The following RAB3GAP2 variants were observed in gnomAD, a reference collection of about 807,000 sequenced individuals.
The protein encoded by RAB3GAP2 is RAB3 GTPase activating non-catalytic protein subunit 2.
A neutral mutation model predicts 185.3 loss-of-function variants in RAB3GAP2; 87 were observed. The ratio of observed to expected loss-of-function variants is 0.47; its 90% CI spans 0.39 to 0.56. The LOEUF is 0.56. RAB3GAP2 is among the 20% of genes least tolerant of loss of function. RAB3GAP2 has a pLI of 0.00. For missense variants in RAB3GAP2, 1,492 were observed against 1,638.2 expected (o/e 0.91, Z 1.54); for synonymous variants, 554 against 576.1 (o/e 0.96, Z 0.55).
chr1:220,149,153 T>G lies in RAB3GAP2; in HGVS notation c.*2098A>C, dbSNP rs1475401698. 1 of 152,212 alleles carries G rather than the reference T, an allele frequency of 6.6e-6. No individual in the cohort carries two copies. Among genetic ancestry groups the G allele is most frequent in the Non-Finnish European group, 1.5e-5 (1 of 68,030 alleles). 9.4% of individuals were successfully genotyped at this position (152,212 alleles called of 1,614,324 possible). A position where few individuals can be genotyped will look rare whatever the true frequency, so the allele number is the denominator to read the frequency against. ...TGCCTTTCTTCCTATCAATCAGATT[T>G]ATTTATTTTAAAAGCCCTTGATAAG... On this transcript the variant is annotated 3_prime_UTR_variant, in exon 35 of 35. Transcript: ENST00000358951.
chr1:220,160,765 C>A (rs1403306670), intron 28 of RAB3GAP2, among the ~76,000 whole-genome samples: 1 of 152,148 alleles, frequency 6.6e-6, no homozygotes, highest in Non-Finnish European at 1.5e-5. Flanking sequence ...AAGTCAGAAG[C>A]CTTCCCCTTG....
At chr1:220,152,429 G>A (rs1388733442) in intron 33 of RAB3GAP2, among the ~76,000 whole-genome samples, 1 of 152,174 alleles carries the variant, frequency 6.6e-6, no homozygotes, top group African/African-American at 2.4e-5. Context: ...CGAGACCTAG[G>A]ATAGGGCCAT....
chr1:220,222,879 A>G (rs1323947533), intron 2 of RAB3GAP2, among the ~76,000 whole-genome samples: 1 of 152,102 alleles, frequency 6.6e-6, no homozygotes, highest in East Asian at 1.9e-4. Flanking sequence ...GGGATGGGTT[A>G]TTTTATTATT....
chr1:220,267,411 C>A, intron 1 of RAB3GAP2: 1 of 1,319,066 alleles, frequency 7.6e-7, no homozygotes, highest in Non-Finnish European at 1.1e-6. Context: ...CTGCTTTCTC[C>A]AGCTGAGCTT....
chr1:220,267,996 A>G, intron 1 of RAB3GAP2: 1 of 549,706 alleles, frequency 1.8e-6, no homozygotes, highest in Non-Finnish European at 3.2e-6. Flanking sequence ...ATACACCTCT[A>G]TAATTCACAA....
At chr1:220,194,636 G>A (rs539685322) in intron 12 of RAB3GAP2, among the ~76,000 whole-genome samples, 10 of 152,100 alleles carry the variant, frequency 6.6e-5, no homozygotes, top group Admixed American at 1.3e-4. Flanking sequence ...CAAGTGATCC[G>A]CCTACCTAGG....
At chr1:220,217,425 C>T (rs1659220115) in intron 2 of RAB3GAP2, among the ~76,000 whole-genome samples, 3 of 152,124 alleles carry the variant, frequency 2.0e-5, no homozygotes, top group Admixed American at 1.3e-4. Flanking sequence ...TACTTTCCCT[C>T]TCCTTTCTGT....
At chr1:220,228,811 G>C (rs1467276649) in intron 2 of RAB3GAP2, among the ~76,000 whole-genome samples, 2 of 152,200 alleles carry the variant, frequency 1.3e-5, no homozygotes, top group Non-Finnish European at 2.9e-5. Context: ...CACTTGCTGT[G>C]TTTGTCAAGT....
intron 28 of RAB3GAP2, 70 bp downstream of exon 28, chr1:220,162,128 A>C (rs1657973232): frequency 1.1e-5 from 13 of 1,206,952 alleles, no homozygotes. Context: ...CCTAATGTGA[A>C]CAATCTTTCT....
rs191402902 is a variant in RAB3GAP2, at chr1:220,163,657, C to T, written c.3154+1076G>A. Among the ~76,000 whole-genome samples, 7 of 149,112 alleles carry T rather than the reference C, an allele frequency of 4.7e-5. No homozygotes were observed. The East Asian group carries it at 7.9e-4, about 17-fold the overall frequency. On this transcript the variant is annotated intron_variant, in intron 27 of 34. Transcript: ENST00000358951. ...GATTACAGGTGTGAGCCACTGCGTC[C>T]GGCAGTAACTTAATTTTATCAATAA...
chr1:220,241,259 T>C (rs879684918), intron 1 of RAB3GAP2, among the ~76,000 whole-genome samples: 11 of 152,050 alleles, frequency 7.2e-5, no homozygotes, highest in African/African-American at 1.9e-4. Flanking sequence ...AGAAAGGAAA[T>C]TGAATTCTAG....
chr1:220,191,295 G>A lies in RAB3GAP2; in HGVS notation c.1271-11C>T. 7.1e-7 allele frequency: 1 copy of A among 1,407,832 alleles called. No individual in the cohort carries two copies. The allele number at this position is 1,407,832 out of a possible 1,614,324, so 87.2% of individuals were successfully genotyped here. A position where few individuals can be genotyped will look rare whatever the true frequency, so the allele number is the denominator to read the frequency against. ...GTGCGTCGCGGTACCCTTAGAGACA[G>A]AGGTAAAGGGAAGTTAATTACTTAA... On this transcript the variant is annotated splice_polypyrimidine_tract_variant and intron_variant, in intron 13 of 34. Coordinates refer to ENST00000358951, the MANE Select transcript of RAB3GAP2 (RefSeq NM_012414.4).
intron 1 of RAB3GAP2, among the ~76,000 whole-genome samples, chr1:220,245,915 C>A (rs1659802438): frequency 6.6e-6 from 1 of 152,190 alleles, no homozygotes; most frequent in Admixed American, 6.5e-5. Context: ...CAGACTGACA[C>A]CTCACACGGC....
chr1:220,214,820 C>G (rs1659154505), intron 2 of RAB3GAP2, among the ~76,000 whole-genome samples: 1 of 151,196 alleles, frequency 6.6e-6, no homozygotes, highest in African/African-American at 2.4e-5. Context: ...CTCTTATACT[C>G]CTGTACTCTA....
At chr1:220,182,189 A>G in intron 21 of RAB3GAP2, 68 bp downstream of exon 21, 1 of 1,595,604 alleles carries the variant, frequency 6.3e-7, no homozygotes, top group Non-Finnish European at 8.5e-7. Flanking sequence ...TAAAAAAAAA[A>G]AGAAGACTGA....
Position 220,162,862 on chromosome 1 carries a change from T to C in RAB3GAP2, c.3155-594A>G, listed in dbSNP as rs180822709. 2.3e-3 allele frequency among the ~76,000 whole-genome samples: 353 copies of C among 152,220 alleles called. 3 individuals carry two copies. The highest frequency in any genetic ancestry group is 7.6e-3 in the African/African-American group (317 of 41,524). On this transcript the variant is annotated intron_variant, in intron 27 of 34. Coordinates refer to ENST00000358951, the MANE Select transcript of RAB3GAP2 (RefSeq NM_012414.4). ...CCCAATGTCTGCCAATTGATTTTTT[T>C]CACATATAACTGCAAACTAAAGTAT... is the stretch of plus-strand genomic sequence containing the variant.
intron 33 of RAB3GAP2, 35 bp from the exon 34 acceptor site, chr1:220,151,799 G>C: frequency 1.9e-6 from 3 of 1,559,526 alleles, no homozygotes; most frequent in Non-Finnish European, 2.7e-6. Context: ...AATACAGTCA[G>C]AGTGAGCAGA....
chr1:220,266,479 A>G lies in RAB3GAP2; in HGVS notation c.115+5744T>C, dbSNP rs185315084. ...CCTTGCCTCCAGATTATGAACCAGT[A>G]TAAGTAGCACAATTCTCGTGGCTAC... On this transcript the variant is annotated intron_variant, in intron 1 of 34. Coordinates refer to ENST00000358951, the MANE Select transcript of RAB3GAP2 (RefSeq NM_012414.4). 6 of 550,410 alleles carry G rather than the reference A, an allele frequency of 1.1e-5. No individual in the cohort carries two copies. In the East Asian group the frequency reaches 1.7e-4, roughly 15 times the overall value. The allele number at this position is 550,410 out of a possible 1,614,324, so 34.1% of individuals were successfully genotyped here. A position where few individuals can be genotyped will look rare whatever the true frequency, so the allele number is the denominator to read the frequency against.
chr1:220,234,786 A>T (rs1027238928), intron 1 of RAB3GAP2, among the ~76,000 whole-genome samples: 85 of 152,218 alleles, frequency 5.6e-4, no homozygotes, highest in Non-Finnish European at 5.3e-4. Flanking sequence ...AAATACAATG[A>T]ATAGTTAACT....
Sources: gnomAD v4.1 joint callset for allele counts (sites outside exome capture counted in the v4.1 genomes callset) on GRCh38, gnomAD v4.1.1 for gene constraint, MANE v1.5 for transcripts, NCBI Gene and HGNC (gene_info 2026-07-23, HGNC 2026-07-21) for gene names.